The following SPTAN1 variants were observed in gnomAD, a reference collection of about 807,000 sequenced individuals.
SPTAN1 encodes the protein spectrin alpha chain, non-erythrocytic 1.
A neutral mutation model predicts 331.3 loss-of-function variants in SPTAN1; 61 were observed. The observed-to-expected ratio is 0.18, with a 90% CI of 0.15 to 0.23. The LOEUF is 0.23. Ranked by LOEUF, SPTAN1 falls within the 10% of genes least tolerant of loss-of-function variation. The probability of loss-of-function intolerance (pLI) is 1.00; values close to 1 mark genes in which losing one functional copy is unlikely to be tolerated. For missense variants in SPTAN1, 2,043 were observed against 3,147.9 expected (o/e 0.65, Z 8.40); for synonymous variants, 1,153 against 1,173.9 (o/e 0.98, Z 0.36).
rs376957536 is a variant in SPTAN1, at chr9:128,583,223, T to C, written c.1953T>C (p.Ala651=). The change falls in exon 15 of 57, where the codon GCT becomes GCC. Residue 651 remains alanine, a synonymous_variant. Coordinates refer to ENST00000372739, the MANE Select transcript of SPTAN1 (RefSeq NM_001130438.3). ...VNHYAKDEVA[A]RMNEVISLWK... ...ACTATGCCAAGGATGAAGTGGCAGC[T>C]CGTATGAATGAGGTGATCAGTTTGT... The C allele has an allele frequency of 1.2e-5, 19 of 1,613,864 alleles. No homozygotes were observed. The African/African-American group carries it at 1.3e-4, about 11-fold the overall frequency.
chr9:128,564,348 T>G (rs1326341228), intron 1 of SPTAN1, among the ~76,000 whole-genome samples: 7 of 150,260 alleles, frequency 4.7e-5, no homozygotes, highest in Non-Finnish European at 3.0e-5. Flanking sequence ...GAACCCGGGA[T>G]GCAGAGGTTT....
At chr9:128,624,293 A>T (rs1442558503) in intron 45 of SPTAN1, 35 bp from the exon 46 acceptor site, 1 of 1,613,106 alleles carries the variant, frequency 6.2e-7, no homozygotes, top group African/African-American at 1.3e-5. Flanking sequence ...ACAGCAGGTA[A>T]GGCTGACCAG....
In SPTAN1 at chr9:128,626,838, A is replaced by G. The variant is rs116916008; in HGVS notation, c.6576+151A>G. 3.6e-3 allele frequency: 3,522 copies of G among 976,246 alleles called. 99 individuals are homozygous for G. The East Asian group carries it at 0.05, about 14-fold the overall frequency. The allele number at this position is 976,246 out of a possible 1,614,324, so 60.5% of individuals were successfully genotyped here. A position where few individuals can be genotyped will look rare whatever the true frequency, so the allele number is the denominator to read the frequency against. The stretch of plus-strand genomic sequence containing the variant: ...AGTTTCATTTCTTTTTGTGTTCTTG[A>G]GGCAGGGTCTCTGTCACCCAGGCTT... On this transcript the variant is annotated intron_variant, in intron 49 of 56. Coordinates refer to ENST00000372739, the MANE Select transcript of SPTAN1 (RefSeq NM_001130438.3).
Position 128,633,354 on chromosome 9 carries a change from A to C in SPTAN1, c.*20A>C. On this transcript the variant is annotated 3_prime_UTR_variant, in exon 57 of 57. Coordinates refer to ENST00000372739, the MANE Select transcript of SPTAN1 (RefSeq NM_001130438.3). ...AACTGAGCCACTCCCTGGGTCACCC[A>C]CCCCTCGCTGCTTGCCCTGCGTCGC... is the stretch of plus-strand genomic sequence containing the variant. The C allele has an allele frequency of 6.2e-7, 1 of 1,613,170 alleles. No individual in the cohort carries two copies. The highest frequency in any genetic ancestry group is 8.5e-7 in the Non-Finnish European group (1 of 1,179,984).
Position 128,625,667 on chromosome 9 carries a change from G to T in SPTAN1, c.6070-102G>T. The T allele has an allele frequency of 9.3e-7, 1 of 1,080,292 alleles. No homozygotes were observed. Among genetic ancestry groups the T allele is most frequent in the Non-Finnish European group, 1.4e-6 (1 of 706,756 alleles). 66.9% of individuals were successfully genotyped at this position (1,080,292 alleles called of 1,614,324 possible). A position where few individuals can be genotyped will look rare whatever the true frequency, so the allele number is the denominator to read the frequency against. ...TCAGCAGTGTCCAGGTGGACAGTTT[G>T]GCTTGGGCATCTGGGGGACATGCTG... On this transcript the variant is annotated intron_variant, in intron 47 of 56. Coordinates refer to ENST00000372739, the MANE Select transcript of SPTAN1 (RefSeq NM_001130438.3). This position sits in a 1 kb window ranked among gnomAD's most constrained non-coding sequence, Gnocchi z 4.1.
chr9:128,612,854 G>A (rs758898666), intron 39 of SPTAN1, among the ~76,000 whole-genome samples: 1 of 152,124 alleles, frequency 6.6e-6, no homozygotes, highest in Non-Finnish European at 1.5e-5. Flanking sequence ...GAACCTGGGA[G>A]GTGGAGGTTG....
intron 48 of SPTAN1, 133 bp from the exon 49 acceptor site, chr9:128,626,258 C>A: frequency 8.6e-7 from 1 of 1,162,288 alleles, no homozygotes; most frequent in Non-Finnish European, 1.3e-6. Context: ...GAGACAGGAG[C>A]AGAGGGGAGC....
At chr9:128,621,352 C>A in intron 45 of SPTAN1, 96 bp downstream of exon 45, 2 of 1,069,482 alleles carry the variant, frequency 1.9e-6, no homozygotes, top group South Asian at 1.3e-5. Flanking sequence ...CTGGGATGTT[C>A]ACCAAACCAA....
rs1373667776 is a variant in SPTAN1 at position 128,627,547 on chromosome 9, T to TA, written c.6689+51dup. The TA allele has an allele frequency of 1.3e-6, 2 of 1,498,414 alleles. No homozygotes were observed. Among genetic ancestry groups the TA allele is most frequent in the South Asian group, 2.4e-5 (2 of 83,088 alleles). 92.8% of individuals were successfully genotyped at this position (1,498,414 alleles called of 1,614,324 possible). On this transcript the variant is annotated intron_variant, in intron 50 of 56. Transcript: ENST00000372739. The surrounding 1 kb of genome is among the most constrained non-coding windows in gnomAD (Gnocchi z 4.9). ...AGCAGCAGCATGTCCCTGCTGTACT[T>TA]AAGCCCTGGGGAGCTTCCAGCCCCA... is the stretch of plus-strand genomic sequence containing the variant.
At position 128,625,882 on chromosome 9, in the gene SPTAN1, C is replaced by G; in HGVS notation, c.6183C>G (p.Ala2061=). The G allele has an allele frequency of 6.2e-7, 1 of 1,614,224 alleles. No homozygotes were observed. The highest frequency in any genetic ancestry group is 8.5e-7 in the Non-Finnish European group (1 of 1,180,044). The change falls in exon 48 of 57, where the codon GCC becomes GCG. Residue 2061 remains alanine (A), a synonymous_variant. Coordinates refer to ENST00000372739, the MANE Select transcript of SPTAN1 (RefSeq NM_001130438.3). The surrounding 1 kb of genome is among the most constrained non-coding windows in gnomAD (Gnocchi z 4.1). ...ACGTTCAGTCCAAGGCCATCGAGGC[C>G]CGGCACGCCTCCCTCATGAAGAGGT... ...AKHVQSKAIE[A]RHASLMKRWS...
At position 128,612,213 on chromosome 9, in the gene SPTAN1, A is replaced by G; in HGVS notation, c.5010A>G (p.Thr1670=). ...KEANKQQNFN[T]GIKDFDFWLS... is the part of the protein sequence containing the mutation. ...CCAACAAGCAGCAGAACTTCAACAC[A>G]GGGATCAAGGACTTTGACTTCTGGC... is the stretch of plus-strand genomic sequence containing the variant. The change falls in exon 39 of 57, where the codon ACA becomes ACG. Residue 1670 remains threonine (T), a synonymous_variant. Coordinates refer to ENST00000372739, the MANE Select transcript of SPTAN1 (RefSeq NM_001130438.3). 6.2e-7 allele frequency: 1 copy of G among 1,614,166 alleles called. No homozygotes were observed. Among genetic ancestry groups the G allele is most frequent in the South Asian group, 1.1e-5 (1 of 91,088 alleles).
intron 48 of SPTAN1, 61 bp downstream of exon 48, chr9:128,626,039 C>T: frequency 6.3e-7 from 1 of 1,592,064 alleles, no homozygotes. Flanking sequence ...CGCCCACCTT[C>T]TGTCTGCCCA....
chr9:128,581,487 A>AC (rs1166327824), intron 11 of SPTAN1, among the ~76,000 whole-genome samples: 6 of 149,196 alleles, frequency 4.0e-5, no homozygotes, highest in Non-Finnish European at 8.9e-5. Context: ...AAAAAAAAAA[A>AC]ACAAACAAAA....
At chr9:128,592,873 C>A in intron 22 of SPTAN1, 110 bp from the exon 23 acceptor site, 1 of 999,548 alleles carries the variant, frequency 1.0e-6, no homozygotes, top group Non-Finnish European at 1.6e-6. Context: ...TCCATAGTTT[C>A]CCAACATTAA....
chr9:128,585,847 A>C lies in SPTAN1; in HGVS notation c.2660A>C (p.Glu887Ala). ...GCTTCCCAGCGTCGGCAGGACCTGGAGGACTCTCTGCAGGCCCAGCAGTAC... is the reference window on the plus strand; with the variant it reads ...GCTTCCCAGCGTCGGCAGGACCTGGCGGACTCTCTGCAGGCCCAGCAGTAC... ...AKASQRRQDLEDSLQAQQYFA... is the reference protein window; with the variant it reads ...AKASQRRQDLADSLQAQQYFA... Residue 887 changes from glutamate (E) to alanine (A), a missense_variant, in exon 19 of 57, where the codon GAG (glutamate) becomes GCG (alanine). By Grantham distance (107) the Glu-to-Ala change is moderately radical (BLOSUM62 -1). This residue lies in a region of SPTAN1 where 1,038 missense variants were observed against 1,531.5 expected (regional missense o/e 0.68). Transcript: ENST00000372739. 6 of 1,614,188 alleles carry C rather than the reference A, an allele frequency of 3.7e-6. No individual in the cohort carries two copies. The highest frequency in any genetic ancestry group is 5.1e-6 in the Non-Finnish European group (6 of 1,180,044).
At chr9:128,631,835 T>C (rs1192525062) in intron 52 of SPTAN1, 2 of 422,232 alleles carry the variant, frequency 4.7e-6, no homozygotes, top group African/African-American at 2.0e-5. Flanking sequence ...TTTATAAAAA[T>C]CTTTGGCCAC....
chr9:128,626,874 G>C (rs528453768), intron 49 of SPTAN1, 187 bp downstream of exon 49: 10 of 705,138 alleles, frequency 1.4e-5, no homozygotes, highest in African/African-American at 7.0e-5. Flanking sequence ...CAGTGCAGTG[G>C]TGCTACCATG....
At chr9:128,554,905 C>G (rs1242800653) in intron 1 of SPTAN1, among the ~76,000 whole-genome samples, 1 of 152,156 alleles carries the variant, frequency 6.6e-6, no homozygotes, top group Non-Finnish European at 1.5e-5. Flanking sequence ...CAAACTAGGC[C>G]CAAGTCAGAT....
In SPTAN1 at chr9:128,588,155, G is replaced by A. The variant is rs560047591; in HGVS notation, c.2871+457G>A. Among the ~76,000 whole-genome samples, 31 of 151,518 alleles carry A rather than the reference G, an allele frequency of 2.0e-4. No individual in the cohort carries two copies. In the South Asian group the frequency reaches 3.3e-3, roughly 16 times the overall value. ...TGGGATTACTGGCGCCCGCCACCAC[G>A]CCCAGCTAATTTTTGTATTTTTAGT... On this transcript the variant is annotated intron_variant, in intron 20 of 56. Coordinates refer to ENST00000372739, the MANE Select transcript of SPTAN1 (RefSeq NM_001130438.3).
Sources: allele counts gnomAD v4.1 joint callset (sites outside exome capture counted in the v4.1 genomes callset), GRCh38; gene constraint gnomAD v4.1.1; regional missense constraint gnomAD v4.1.1; non-coding constraint Gnocchi (gnomAD v3.1); transcripts MANE v1.5; gene names NCBI Gene and HGNC (gene_info 2026-07-23, HGNC 2026-07-21).